Variants in TPO observed in about 807,000 individuals in gnomAD.
The protein encoded by TPO is thyroid peroxidase.
Under a neutral mutation model 96.9 loss-of-function variants are expected in TPO, and 78 were observed. The observed-to-expected ratio is 0.81, with a 90% CI of 0.67 to 0.97. The LOEUF is 0.97. TPO is among the 50% of genes least tolerant of loss of function. TPO has a pLI of 0.00. For missense variants in TPO, 1,252 were observed against 1,274.8 expected, an observed-to-expected ratio of 0.98 and a Z score of 0.27; for synonymous variants, 547 against 538.0, an observed-to-expected ratio of 1.02 and a Z score of -0.23.
intron 15 of TPO, among the ~76,000 whole-genome samples, chr2:1,537,643 T>C (rs1163333508): frequency 6.2e-5 from 5 of 80,946 alleles, no homozygotes; most frequent in South Asian, 4.5e-4. Flanking sequence ...CATCCCCAGA[T>C]CCCCCCCAAT....
At chr2:1,478,321 T>A (rs2138020) in intron 8 of TPO, 61,625 of 984,510 alleles carry the variant, frequency 0.063, 2,229 homozygotes, top group East Asian at 0.15. Flanking sequence ...CTGTTTGATA[T>A]GCGAGTCACC....
intron 2 of TPO, among the ~76,000 whole-genome samples, 189 bp from the exon 3 acceptor site, chr2:1,422,856 G>A (rs939305001): frequency 6.6e-6 from 1 of 152,214 alleles, no homozygotes; most frequent in African/African-American, 2.4e-5. Flanking sequence ...TGCAGTGGGG[G>A]TGGACGCCCC....
At chr2:1,512,086 T>C (rs1238115715) in intron 14 of TPO, among the ~76,000 whole-genome samples, 3 of 151,872 alleles carry the variant, frequency 2.0e-5, no homozygotes, top group Non-Finnish European at 2.9e-5. Flanking sequence ...TAGACTGGAG[T>C]GCAGTGGCGC....
chr2:1,521,394 G>A (rs1675244743), intron 15 of TPO, among the ~76,000 whole-genome samples: 1 of 152,130 alleles, frequency 6.6e-6, no homozygotes, highest in South Asian at 2.1e-4. Flanking sequence ...GGCCAGCTGG[G>A]ACTAGGCCGA....
intron 7 of TPO, among the ~76,000 whole-genome samples, chr2:1,458,477 CAT>C (rs1207868951): frequency 8.5e-6 from 1 of 117,808 alleles, no homozygotes; most frequent in South Asian, 2.9e-4. Context: ...TGTGTGGGCA[CAT>C]GTGTTTATAG....
chr2:1,446,383 C>G (rs1311361913), intron 5 of TPO, among the ~76,000 whole-genome samples: 1 of 152,188 alleles, frequency 6.6e-6, no homozygotes, highest in Non-Finnish European at 1.5e-5. Context: ...CTGCTGAGCA[C>G]TGGTCAATGC....
intron 14 of TPO, among the ~76,000 whole-genome samples, chr2:1,506,113 A>G (rs954755999): frequency 3.3e-5 from 5 of 150,256 alleles, no homozygotes; most frequent in Admixed American, 3.3e-4. Flanking sequence ...TTCAATTCTC[A>G]CCTATGAGTG....
At chr2:1,397,034 C>T (rs930257384) in intron 1 of TPO, among the ~76,000 whole-genome samples, 5 of 152,166 alleles carry the variant, frequency 3.3e-5, no homozygotes, top group African/African-American at 1.2e-4. Flanking sequence ...ACCCTGTACT[C>T]ACTTGCTGTT....
At chr2:1,462,767 G>A (rs926332768) in intron 7 of TPO, among the ~76,000 whole-genome samples, 3 of 152,124 alleles carry the variant, frequency 2.0e-5, no homozygotes, top group African/African-American at 4.8e-5. Flanking sequence ...TCTTCCCTAG[G>A]GACAATGTCC....
chr2:1,528,808 TGTGA>T (rs1677263760), intron 15 of TPO, among the ~76,000 whole-genome samples: 1 of 100,956 alleles, frequency 9.9e-6, no homozygotes, highest in Admixed American at 1.2e-4. Context: ...ATCCCCCCAC[TGTGA>T]GCAACCTCCC....
chr2:1,383,337 C>T (rs1009779157), intron 1 of TPO, among the ~76,000 whole-genome samples: 1 of 152,196 alleles, frequency 6.6e-6, no homozygotes, highest in Non-Finnish European at 1.5e-5. Context: ...TTTACAGTCC[C>T]ATTAACAGTG....
intron 3 of TPO, among the ~76,000 whole-genome samples, chr2:1,427,701 C>T (rs1664563318): frequency 6.6e-6 from 1 of 152,168 alleles, no homozygotes; most frequent in Admixed American, 6.5e-5. Flanking sequence ...AGACCAGAGG[C>T]CGAGGAACCA....
Position 1,377,458 on chromosome 2 carries a change from G to A in TPO, n.180+3056G>A, listed in dbSNP as rs563314278. Among the ~76,000 whole-genome samples, 59 of 152,282 alleles carry A rather than the reference G, an allele frequency of 3.9e-4. 1 individual carries two copies. Among genetic ancestry groups the A allele is most frequent in the African/African-American group, 1.4e-3 (58 of 41,560 alleles). On this transcript the variant is annotated intron_variant and non_coding_transcript_variant, in intron 1 of 5. Coordinates refer to the TPO transcript ENST00000497517. The stretch of plus-strand genomic sequence containing the variant: ...GCTCTCAGGAAACCCTTACCTCGCC[G>A]TGGCTCAGAAGCAGAAGTGAGGAGC...
chr2:1,425,964 A>G (rs1224332188), intron 3 of TPO, among the ~76,000 whole-genome samples: 1 of 143,658 alleles, frequency 7.0e-6, no homozygotes, highest in Non-Finnish European at 1.5e-5. Flanking sequence ...TCAGAAGTCC[A>G]TGCTCCTTCT....
At chr2:1,470,893 T>C (rs1669342729) in intron 7 of TPO, among the ~76,000 whole-genome samples, 1 of 152,204 alleles carries the variant, frequency 6.6e-6, no homozygotes, top group Non-Finnish European at 1.5e-5. Flanking sequence ...CTTCACTTCA[T>C]TATTGTGTGA....
At chr2:1,456,964 A>G in intron 7 of TPO, among the ~76,000 whole-genome samples, 1 of 15,356 alleles carries the variant, frequency 6.5e-5, no homozygotes, top group Non-Finnish European at 1.7e-4. Context: ...GCAGATGTGT[A>G]CACAGCATGT....
At chr2:1,446,873 G>A (rs1234494475) in intron 5 of TPO, among the ~76,000 whole-genome samples, 1 of 152,042 alleles carries the variant, frequency 6.6e-6, no homozygotes, top group Non-Finnish European at 1.5e-5. Context: ...GAATGTGAAG[G>A]TATTTTTCTT....
At chr2:1,395,705 G>A (rs1043658343) in intron 1 of TPO, among the ~76,000 whole-genome samples, 1 of 152,112 alleles carries the variant, frequency 6.6e-6, no homozygotes. Context: ...GAATCATGGG[G>A]GTGGGTTTTT....
In TPO at chr2:1,536,106, C is replaced by CCCCACTGTGTGCAACCTTCCCAAAT. The variant is rs1558437523; in HGVS notation, c.2619-4484_2619-4483insCTGTGTGCAACCTTCCCAAATCCCA. Among the ~76,000 whole-genome samples the CCCCACTGTGTGCAACCTTCCCAAAT allele has an allele frequency of 4.3e-4, 19 of 44,346 alleles. 1 individual carries two copies. The highest frequency in any genetic ancestry group is 7.7e-4 in the African/African-American group (9 of 11,762). 29.1% of individuals were successfully genotyped at this position (44,346 alleles called of 152,430 possible). A position where few individuals can be genotyped will look rare whatever the true frequency, so the allele number is the denominator to read the frequency against. Reference sequence around the variant, plus strand: ...CACTGTGTGCAACCTTCCCAAATCCCCCCATTATGTGCAACCTCCCCAAAT... The same window carrying CCCCACTGTGTGCAACCTTCCCAAAT: ...CACTGTGTGCAACCTTCCCAAATCCCCCCACTGTGTGCAACCTTCCCAAATCCCATTATGTGCAACCTCCCCAAAT... On this transcript the variant is annotated intron_variant, in intron 15 of 16. Coordinates refer to ENST00000329066, the MANE Select transcript of TPO (RefSeq NM_001206744.2).
Sources: allele counts gnomAD v4.1 joint callset (sites outside exome capture counted in the v4.1 genomes callset), GRCh38; gene constraint gnomAD v4.1.1; transcripts MANE v1.5; gene names NCBI Gene and HGNC (gene_info 2026-07-23, HGNC 2026-07-21).